Variants in ATF6 observed in about 807,000 individuals in gnomAD.
ATF6 encodes cyclic AMP-dependent transcription factor ATF-6 alpha.
In ATF6, 53 loss-of-function variants were observed where a neutral mutation model predicts 83.6. The observed-to-expected ratio is 0.63, with a 90% CI of 0.51 to 0.80. The LOEUF is 0.80. Ranked by LOEUF, ATF6 falls within the 30% of genes least tolerant of loss-of-function variation. The pLI, the probability that ATF6 is intolerant of heterozygous loss-of-function variation, is 0.00. For missense variants in ATF6, 744 were observed against 797.9 expected, an observed-to-expected ratio of 0.93 and a Z score of 0.81; for synonymous variants, 288 against 285.8, an observed-to-expected ratio of 1.01 and a Z score of -0.08.
intron 2 of ATF6, among the ~76,000 whole-genome samples, chr1:161,780,962 T>C (rs1307037373): frequency 1.3e-5 from 2 of 152,142 alleles, no homozygotes; most frequent in African/African-American, 4.8e-5. Flanking sequence ...GCAATCCTAT[T>C]GTTGCTGTTT....
chr1:161,875,845 C>T (rs929312794), intron 14 of ATF6, among the ~76,000 whole-genome samples: 2 of 151,780 alleles, frequency 1.3e-5, no homozygotes, highest in Non-Finnish European at 2.9e-5. Flanking sequence ...TTTTGTCGTA[C>T]AGAATATTAA....
At chr1:161,805,107 A>G (rs1157294279) in intron 7 of ATF6, among the ~76,000 whole-genome samples, 3 of 152,180 alleles carry the variant, frequency 2.0e-5, no homozygotes, top group Non-Finnish European at 4.4e-5. Flanking sequence ...CTTTGTCAGC[A>G]AAGTCTCAAT....
chr1:161,851,555 C>T (rs1032265219), intron 10 of ATF6, among the ~76,000 whole-genome samples, 167 bp from the exon 11 acceptor site: 2 of 152,126 alleles, frequency 1.3e-5, no homozygotes, highest in Admixed American at 1.3e-4. Context: ...CAGAAAATGA[C>T]ATTTCATGTA....
chr1:161,947,005 A>G (rs1387053962), intron 15 of ATF6, among the ~76,000 whole-genome samples: 1 of 152,170 alleles, frequency 6.6e-6, no homozygotes, highest in Admixed American at 6.5e-5. Context: ...TTCACTCGGT[A>G]TATGTGTAAG....
chr1:161,925,797 G>GTT (rs1327471025), intron 15 of ATF6, among the ~76,000 whole-genome samples: 2 of 152,122 alleles, frequency 1.3e-5, no homozygotes, highest in Non-Finnish European at 2.9e-5. Context: ...AGAAAAAAAT[G>GTT]TAATTAATTA....
At chr1:161,913,624 A>G (rs1344761487) in intron 15 of ATF6, among the ~76,000 whole-genome samples, 1 of 152,222 alleles carries the variant, frequency 6.6e-6, no homozygotes, top group Non-Finnish European at 1.5e-5. Context: ...TGAGAAGAAC[A>G]TCTCTTTCTT....
chr1:161,863,063 A>T (rs1571198938), intron 13 of ATF6, 135 bp from the exon 14 acceptor site: 1 of 523,704 alleles, frequency 1.9e-6, no homozygotes, highest in African/African-American at 1.9e-5. Context: ...TGTTATAAAA[A>T]TTACTGCCAA....
chr1:161,883,718 T>A (rs1350293618), intron 14 of ATF6, among the ~76,000 whole-genome samples: 1 of 152,020 alleles, frequency 6.6e-6, no homozygotes, highest in Non-Finnish European at 1.5e-5. Flanking sequence ...TCATATAGAT[T>A]AAAAAATTCT....
At chr1:161,934,065 C>T (rs1413235376) in intron 15 of ATF6, among the ~76,000 whole-genome samples, 5 of 152,144 alleles carry the variant, frequency 3.3e-5, no homozygotes, top group Non-Finnish European at 5.9e-5. Flanking sequence ...ATAACTTGTA[C>T]GTAAACAGGC....
At chr1:161,838,980 T>G (rs770241444) in intron 9 of ATF6, among the ~76,000 whole-genome samples, 45 of 152,214 alleles carry the variant, frequency 3.0e-4, no homozygotes, top group Non-Finnish European at 6.2e-4. Flanking sequence ...GAAACTACCT[T>G]GAAAACTCCC....
chr1:161,906,594 T>C (rs951639927), intron 14 of ATF6, among the ~76,000 whole-genome samples: 1 of 152,228 alleles, frequency 6.6e-6, no homozygotes, highest in African/African-American at 2.4e-5. Flanking sequence ...TTTGTACTTA[T>C]TAGGATTTCA....
chr1:161,809,128 T>C (rs1685382288), intron 7 of ATF6, among the ~76,000 whole-genome samples: 2 of 152,358 alleles, frequency 1.3e-5, no homozygotes, highest in Middle Eastern at 3.4e-3. Context: ...ATGTGCCATG[T>C]TGGTGTGTTG....
chr1:161,907,960 G>A (rs1687909610), intron 14 of ATF6, among the ~76,000 whole-genome samples: 1 of 152,140 alleles, frequency 6.6e-6, no homozygotes, highest in Admixed American at 6.5e-5. Flanking sequence ...AGACTATTAT[G>A]ATTTTTATGG....
At position 161,934,958 on chromosome 1, in the gene ATF6, C is replaced by T. The variant is rs111445108; in HGVS notation, c.1804+22578C>T. 2.4e-3 allele frequency among the ~76,000 whole-genome samples: 366 copies of T among 152,290 alleles called. 2 individuals are homozygous for T. Among genetic ancestry groups the T allele is most frequent in the African/African-American group, 8.2e-3 (340 of 41,560 alleles). On this transcript the variant is annotated intron_variant, in intron 15 of 15. Transcript: ENST00000367942. ...CCTACCCTTGATTCAAGTGACCTTT[C>T]ATTACAGATAATCTGGTTTTATAGG...
chr1:161,806,063 C>T (rs1685272800), intron 7 of ATF6, among the ~76,000 whole-genome samples: 1 of 152,180 alleles, frequency 6.6e-6, no homozygotes, highest in Non-Finnish European at 1.5e-5. Context: ...TTTTGTTTAA[C>T]TCTTGGAGAC....
At chr1:161,874,996 TG>T (rs1687182881) in intron 14 of ATF6, among the ~76,000 whole-genome samples, 1 of 151,714 alleles carries the variant, frequency 6.6e-6, no homozygotes, top group African/African-American at 2.4e-5. Context: ...CTTAAATCAG[TG>T]GTTCTCAAAC....
At chr1:161,899,013 C>T (rs1413101889) in intron 14 of ATF6, among the ~76,000 whole-genome samples, 1 of 152,054 alleles carries the variant, frequency 6.6e-6, no homozygotes, top group African/African-American at 2.4e-5. Context: ...TAAAGAAAAT[C>T]GTTTCTCCCC....
At chr1:161,930,429 A>G (rs762214423) in intron 15 of ATF6, among the ~76,000 whole-genome samples, 7 of 152,210 alleles carry the variant, frequency 4.6e-5, no homozygotes. Context: ...GCTACAATAT[A>G]TTTTAACATT....
At chr1:161,903,393 A>T (rs1054375655) in intron 14 of ATF6, among the ~76,000 whole-genome samples, 1 of 152,178 alleles carries the variant, frequency 6.6e-6, no homozygotes, top group Admixed American at 6.5e-5. Flanking sequence ...TAGGGACCAA[A>T]TTATAAAGAG....
Sources: allele counts gnomAD v4.1 joint callset (sites outside exome capture counted in the v4.1 genomes callset), GRCh38; gene constraint gnomAD v4.1.1; transcripts MANE v1.5; gene names NCBI Gene and HGNC (gene_info 2026-07-23, HGNC 2026-07-21).